The following RBFOX1 variants were observed in gnomAD, a reference collection of about 807,000 sequenced individuals.
The protein encoded by RBFOX1 is RNA binding protein fox-1 homolog 1.
RBFOX1 carries 8 observed loss-of-function variants against 57.7 expected under a neutral mutation model. That is an observed-to-expected ratio of 0.14 (90% CI 0.08 to 0.25). RBFOX1 has a LOEUF of 0.25. Among genes scored for constraint, RBFOX1 ranks in the 10% least tolerant of loss-of-function variants. RBFOX1 has a pLI of 1.00. For synonymous variants in RBFOX1, 326 were observed against 222.4 expected (o/e 1.47, Z -4.15); for missense variants, 611 against 548.5 (o/e 1.11, Z -1.14).
At chr16:7,032,959 C>T (rs1442390427) in intron 3 of RBFOX1, among the ~76,000 whole-genome samples, 1 of 152,058 alleles carries the variant, frequency 6.6e-6, no homozygotes, top group Non-Finnish European at 1.5e-5. Context: ...ATTTGGGAGA[C>T]AGTGTGAGTC....
intron 3 of RBFOX1, among the ~76,000 whole-genome samples, chr16:5,725,120 G>C (rs1174203149): frequency 3.3e-5 from 5 of 152,170 alleles, no homozygotes; most frequent in African/African-American, 1.2e-4. Context: ...TAAAATATTT[G>C]GGGAATCCTC....
At chr16:7,302,729 A>T (rs1245139043) in intron 4 of RBFOX1, among the ~76,000 whole-genome samples, 1 of 143,490 alleles carries the variant, frequency 7.0e-6, no homozygotes, top group Non-Finnish European at 1.5e-5. Context: ...GCTGCCAAGA[A>T]TGCAAGAATG....
chr16:7,702,053 C>T (rs561710158), intron 14 of RBFOX1, among the ~76,000 whole-genome samples: 44 of 152,270 alleles, frequency 2.9e-4, no homozygotes, highest in African/African-American at 9.9e-4. Flanking sequence ...CTTGTCCTTT[C>T]CTTGAATGGC....
chr16:7,576,212 C>T (rs1263513385), intron 5 of RBFOX1, among the ~76,000 whole-genome samples: 5 of 152,096 alleles, frequency 3.3e-5, no homozygotes, highest in African/African-American at 9.7e-5. Flanking sequence ...GCATGAGCCA[C>T]TGCACCTAGC....
At chr16:7,160,454 A>G (rs193081172) in intron 4 of RBFOX1, among the ~76,000 whole-genome samples, 14 of 152,186 alleles carry the variant, frequency 9.2e-5, no homozygotes, top group South Asian at 6.2e-4. Flanking sequence ...AAAATAATGT[A>G]CATTAAATGT....
At chr16:7,160,654 T>C (rs1345134295) in intron 4 of RBFOX1, among the ~76,000 whole-genome samples, 1 of 152,182 alleles carries the variant, frequency 6.6e-6, no homozygotes, top group Non-Finnish European at 1.5e-5. Flanking sequence ...CAGTTATGTC[T>C]TTTTGAGGCA....
chr16:7,207,863 G>C (rs916017323), intron 4 of RBFOX1, among the ~76,000 whole-genome samples: 1 of 152,140 alleles, frequency 6.6e-6, no homozygotes, highest in African/African-American at 2.4e-5. Flanking sequence ...TCAGGAGAGA[G>C]AGCTAAGGAG....
intron 4 of RBFOX1, among the ~76,000 whole-genome samples, chr16:7,114,674 G>C (rs184942654): frequency 3.9e-5 from 6 of 152,128 alleles, no homozygotes; most frequent in African/African-American, 7.2e-5. Context: ...TTCTTCCCCT[G>C]CCTCTCTGGA....
Position 6,925,339 on chromosome 16 carries a change from G to T in RBFOX1, c.-15-126718G>T, listed in dbSNP as rs955621602. On this transcript the variant is annotated intron_variant, in intron 3 of 15. Coordinates refer to ENST00000550418, the MANE Select transcript of RBFOX1 (RefSeq NM_018723.4). Reference sequence around the variant, plus strand: ...AGGGTTTCGTCCTGTTGGCCAGGCTGGTCTTGAACTCCTGACCTCAGGCGA... The same window carrying T: ...AGGGTTTCGTCCTGTTGGCCAGGCTTGTCTTGAACTCCTGACCTCAGGCGA... 1.1e-4 allele frequency among the ~76,000 whole-genome samples: 16 copies of T among 151,328 alleles called. 1 individual carries two copies. Among genetic ancestry groups the T allele is most frequent in the Non-Finnish European group, 2.1e-4 (14 of 67,858 alleles).
chr16:7,367,994 T>C (rs1244970589), intron 4 of RBFOX1, among the ~76,000 whole-genome samples: 5 of 152,184 alleles, frequency 3.3e-5, no homozygotes, highest in African/African-American at 1.2e-4. Flanking sequence ...GAGCCAGGCA[T>C]GGTGTCTTAT....
chr16:5,622,867 G>T lies in RBFOX1; in HGVS notation c.318+23906G>T, dbSNP rs559525606. Among the ~76,000 whole-genome samples the T allele has an allele frequency of 5.3e-5, 8 of 152,308 alleles. No individual in the cohort carries two copies. The South Asian group carries it at 1.2e-3, about 24-fold the overall frequency. On this transcript the variant is annotated intron_variant, in intron 3 of 19. Coordinates refer to the RBFOX1 transcript ENST00000641259. ...CGATGGCTGCGTCTGAACCCAACATGTGCAGAGTTTGTTTTCTTATTGTTT... is the reference window on the plus strand; with the variant it reads ...CGATGGCTGCGTCTGAACCCAACATTTGCAGAGTTTGTTTTCTTATTGTTT...
rs886273516 is a variant in RBFOX1 at position 6,556,996 on chromosome 16, CAT to C, written c.-63-97599_-63-97598del. Among the ~76,000 whole-genome samples the C allele has an allele frequency of 4.9e-4, 21 of 43,010 alleles. No homozygotes were observed. In the South Asian group the frequency reaches 5.3e-3, roughly 11 times the overall value. 28.2% of individuals were successfully genotyped at this position (43,010 alleles called of 152,430 possible). On this transcript the variant is annotated intron_variant, in intron 2 of 15. Coordinates refer to ENST00000550418, the MANE Select transcript of RBFOX1 (RefSeq NM_018723.4). ...ATACACACATACGTATATATACATACATATATATACATATATATACATATATA... is the reference window on the plus strand; with the variant it reads ...ATACACACATACGTATATATACATACATATATACATATATATACATATATA...
chr16:7,044,582 C>A (rs1045792748), intron 3 of RBFOX1, among the ~76,000 whole-genome samples: 1 of 152,148 alleles, frequency 6.6e-6, no homozygotes, highest in African/African-American at 2.4e-5. Context: ...CTTGGCAGCC[C>A]TTTCAAGAGT....
intron 3 of RBFOX1, among the ~76,000 whole-genome samples, chr16:6,977,634 C>T (rs1344126931): frequency 6.6e-6 from 1 of 152,100 alleles, no homozygotes; most frequent in Non-Finnish European, 1.5e-5. Context: ...GGCAGGCCCC[C>T]GGCTGGTCAT....
In RBFOX1 at chr16:6,665,447, CT is replaced by C. The variant is rs377723673; in HGVS notation, c.-16+10798del. ...AGGACAACATGGTGAAACCCCATCGCTGCTAAAAATAAAAAATATAAAAAAA... is the reference window on the plus strand; with the variant it reads ...AGGACAACATGGTGAAACCCCATCGCGCTAAAAATAAAAAATATAAAAAAA... On this transcript the variant is annotated intron_variant, in intron 3 of 15. Transcript: ENST00000550418. Among the ~76,000 whole-genome samples, 331 of 152,184 alleles carry C rather than the reference CT, an allele frequency of 2.2e-3. 1 individual carries two copies. Among genetic ancestry groups the C allele is most frequent in the African/African-American group, 7.9e-3 (328 of 41,528 alleles).
chr16:6,325,195 A>T (rs1204322849), intron 2 of RBFOX1, among the ~76,000 whole-genome samples: 3 of 152,012 alleles, frequency 2.0e-5, no homozygotes, highest in African/African-American at 4.8e-5. Context: ...ATCTCTACAT[A>T]AAATGTTTAA....
chr16:6,691,006 A>G (rs2060130900), intron 3 of RBFOX1, among the ~76,000 whole-genome samples: 1 of 152,162 alleles, frequency 6.6e-6, no homozygotes, highest in African/African-American at 2.4e-5. Flanking sequence ...GGAAACAAGT[A>G]CCAGCGCTTG....
At chr16:6,938,898 C>T (rs1349068136) in intron 3 of RBFOX1, among the ~76,000 whole-genome samples, 1 of 152,132 alleles carries the variant, frequency 6.6e-6, no homozygotes, top group African/African-American at 2.4e-5. Context: ...CACCACTGCA[C>T]TCCAGCCTGG....
At chr16:5,842,844 A>G (rs1344729401) in intron 3 of RBFOX1, among the ~76,000 whole-genome samples, 1 of 151,604 alleles carries the variant, frequency 6.6e-6, no homozygotes, top group Non-Finnish European at 1.5e-5. Context: ...TTTGAGACAG[A>G]CTCTCGCACT....
Sources: gnomAD v4.1 joint callset for allele counts (sites outside exome capture counted in the v4.1 genomes callset) on GRCh38, gnomAD v4.1.1 for gene constraint, MANE v1.5 for transcripts, NCBI Gene and HGNC (gene_info 2026-07-23, HGNC 2026-07-21) for gene names.